SYNRG: variants seen among roughly 807,000 people sequenced by gnomAD.
SYNRG encodes AP1 gamma subunit binding protein 1.
SYNRG carries 37 observed loss-of-function variants against 130.9 expected under a neutral mutation model. The ratio of observed to expected loss-of-function variants is 0.28; its 90% CI spans 0.22 to 0.37. The LOEUF is 0.37. SYNRG is among the 10% of genes least tolerant of loss of function. The probability of loss-of-function intolerance (pLI) is 1.00; values close to 1 mark genes in which losing one functional copy is unlikely to be tolerated. For missense variants in SYNRG, 1,338 were observed against 1,588.9 expected, an observed-to-expected ratio of 0.84 and a Z score of 2.68; for synonymous variants, 539 against 568.1, an observed-to-expected ratio of 0.95 and a Z score of 0.73.
chr17:37,531,325 A>G (rs1017653534), intron 19 of SYNRG, among the ~76,000 whole-genome samples: 1 of 152,194 alleles, frequency 6.6e-6, no homozygotes, highest in African/African-American at 2.4e-5. Flanking sequence ...GGCAAGGGTA[A>G]CAAGGGCTAT....
chr17:37,594,079 T>TA lies in SYNRG; in HGVS notation c.240+2143dup, dbSNP rs557594206. Among the ~76,000 whole-genome samples, 22 of 151,520 alleles carry TA rather than the reference T, an allele frequency of 1.5e-4. No homozygotes were observed. The South Asian group carries it at 4.4e-3, about 30-fold the overall frequency. On this transcript the variant is annotated intron_variant, in intron 3 of 21. Transcript: ENST00000612223. ...TATTGTTCTGCATATTAGAGACTCT[T>TA]ACTGTTTTTGGTTGTTTCAAACTCT...
At chr17:37,549,564 C>A (rs764695931) in intron 14 of SYNRG, among the ~76,000 whole-genome samples, 7 of 152,070 alleles carry the variant, frequency 4.6e-5, no homozygotes, top group Non-Finnish European at 7.4e-5. Flanking sequence ...GCAAACCTAA[C>A]ATGCTCTGCA....
At chr17:37,547,461 TGC>T (rs2058369110) in intron 14 of SYNRG, among the ~76,000 whole-genome samples, 1 of 149,600 alleles carries the variant, frequency 6.7e-6, no homozygotes, top group East Asian at 1.9e-4. Flanking sequence ...GTTCATTTGC[TGC>T]TTTTTTTTTT....
chr17:37,577,319 T>C, intron 7 of SYNRG, 61 bp downstream of exon 7: 1 of 1,427,654 alleles, frequency 7.0e-7, no homozygotes, highest in Non-Finnish European at 9.9e-7. Flanking sequence ...ATGCTTAAGG[T>C]GTTAGCATTT....
intron 6 of SYNRG, among the ~76,000 whole-genome samples, chr17:37,578,473 G>C (rs559864253): frequency 3.5e-4 from 54 of 152,334 alleles, no homozygotes; most frequent in African/African-American, 1.2e-3. Flanking sequence ...AGGTGGAAGA[G>C]TGTAGTGGAA....
intron 11 of SYNRG, among the ~76,000 whole-genome samples, chr17:37,563,783 G>C (rs980309122): frequency 6.6e-6 from 1 of 151,452 alleles, no homozygotes; most frequent in Admixed American, 6.6e-5. Flanking sequence ...TGATCTGTCC[G>C]CCTTGGCCTC....
At chr17:37,546,376 A>G (rs1391940744) in intron 14 of SYNRG, among the ~76,000 whole-genome samples, 1 of 152,216 alleles carries the variant, frequency 6.6e-6, no homozygotes, top group African/African-American at 2.4e-5. Flanking sequence ...GGCTGACTGC[A>G]TTTGCACACA....
At chr17:37,588,977 T>A (rs1331086695) in intron 3 of SYNRG, among the ~76,000 whole-genome samples, 1 of 152,190 alleles carries the variant, frequency 6.6e-6, no homozygotes, top group Non-Finnish European at 1.5e-5. Flanking sequence ...CTGTCTAACT[T>A]TTAACAGACT....
At chr17:37,543,914 C>G (rs2058020659) in intron 14 of SYNRG, among the ~76,000 whole-genome samples, 1 of 152,228 alleles carries the variant, frequency 6.6e-6, no homozygotes. Context: ...ATATGAGACT[C>G]TCCCTCTGAC....
At chr17:37,538,815 A>G (rs887444936) in intron 17 of SYNRG, among the ~76,000 whole-genome samples, 3 of 152,198 alleles carry the variant, frequency 2.0e-5, no homozygotes, top group East Asian at 1.9e-4. Flanking sequence ...GGCTGGTCTC[A>G]AACTCCTGAC....
intron 14 of SYNRG, 25 bp from the exon 15 acceptor site, chr17:37,542,590 A>G (rs1368506591): frequency 6.3e-7 from 1 of 1,579,178 alleles, no homozygotes; most frequent in Non-Finnish European, 8.6e-7. Context: ...AGACCCCACA[A>G]TTAGAGGCAA....
chr17:37,525,743 G>A (rs865997562), intron 19 of SYNRG, among the ~76,000 whole-genome samples: 20 of 151,578 alleles, frequency 1.3e-4, no homozygotes, highest in African/African-American at 3.9e-4. Context: ...CAAGGCGGGC[G>A]GATCACGAGG....
rs755077779 is a variant in SYNRG at position 37,553,581 on chromosome 17, G to A, written c.2142C>T (p.Ala714=). Residue 714 remains alanine (A), a synonymous_variant, in exon 14 of 22, where the codon GCC becomes GCT. Coordinates refer to ENST00000612223, the MANE Select transcript of SYNRG (RefSeq NM_007247.6). ...SEQKPDDKYD[A]LKEEASPVPL... ...GAACAGGACTGGCTTCCTCTTTAAG[G>A]GCATCATATTTGTCATCCGGCTTTT... 4.3e-6 allele frequency: 7 copies of A among 1,614,084 alleles called. No homozygotes were observed. The highest frequency in any genetic ancestry group is 1.7e-5 in the Admixed American group (1 of 59,996).
At chr17:37,573,276 G>A (rs985456339) in intron 8 of SYNRG, among the ~76,000 whole-genome samples, 2 of 152,032 alleles carry the variant, frequency 1.3e-5, no homozygotes, top group African/African-American at 4.8e-5. Flanking sequence ...GGTGGTGCAC[G>A]CCTGTAGCCC....
chr17:37,579,401 A>G, intron 6 of SYNRG: 1 of 1,304,304 alleles, frequency 7.7e-7, no homozygotes. Flanking sequence ...TGATGGGGAG[A>G]CAGTTTTAGT....
chr17:37,569,025 G>C (rs1297238437), intron 10 of SYNRG, 101 bp from the exon 11 acceptor site: 2 of 1,296,264 alleles, frequency 1.5e-6, no homozygotes, highest in African/African-American at 3.0e-5. Context: ...AAATTTCTCA[G>C]TTTAGATACA....
chr17:37,600,271 A>G lies in SYNRG; in HGVS notation c.118+92T>C, dbSNP rs537515827. On this transcript the variant is annotated intron_variant, in intron 2 of 21. Coordinates refer to ENST00000612223, the MANE Select transcript of SYNRG (RefSeq NM_007247.6). ...AGAAAATTTTACTCTATTCAGCAGCAACAGAACTTATTTTCTATTTACTTA... is the reference window on the plus strand; with the variant it reads ...AGAAAATTTTACTCTATTCAGCAGCGACAGAACTTATTTTCTATTTACTTA... The G allele has an allele frequency of 5.2e-5, 62 of 1,193,456 alleles. No homozygotes were observed. The African/African-American group carries it at 9.1e-4, about 17-fold the overall frequency. 73.9% of individuals were successfully genotyped at this position (1,193,456 alleles called of 1,614,324 possible).
At chr17:37,558,706 G>T (rs1203118575) in intron 13 of SYNRG, among the ~76,000 whole-genome samples, 2 of 152,184 alleles carry the variant, frequency 1.3e-5, no homozygotes, top group East Asian at 3.8e-4. Context: ...GCAAAGTATA[G>T]TAACTGATCA....
At chr17:37,581,570 G>A (rs371382693) in intron 6 of SYNRG, among the ~76,000 whole-genome samples, 4 of 151,396 alleles carry the variant, frequency 2.6e-5, no homozygotes, top group Non-Finnish European at 4.4e-5. Context: ...GAGCCACCAC[G>A]CCTTACCTTG....
Sources: gnomAD v4.1 joint callset for allele counts (sites outside exome capture counted in the v4.1 genomes callset) on GRCh38, gnomAD v4.1.1 for gene constraint, MANE v1.5 for transcripts, NCBI Gene and HGNC (gene_info 2026-07-23, HGNC 2026-07-21) for gene names.